The following SCN8A variants were observed in gnomAD, a reference collection of about 807,000 sequenced individuals.
SCN8A encodes sodium voltage-gated channel alpha subunit 8, also known as sodium channel protein type 8 subunit alpha.
Under a neutral mutation model 184.1 loss-of-function variants are expected in SCN8A, and 30 were observed. The ratio of observed to expected loss-of-function variants is 0.16; its 90% CI spans 0.12 to 0.22. SCN8A has a LOEUF of 0.22. Among genes scored for constraint, SCN8A ranks in the 10% least tolerant of loss-of-function variants. The pLI, the probability that SCN8A is intolerant of heterozygous loss-of-function variation, is 1.00. For synonymous variants in SCN8A, 852 were observed against 907.0 expected (o/e 0.94, Z 1.09); for missense variants, 1,057 against 2,498.9 (o/e 0.42, Z 12.30).
chr12:51,613,217 C>A (rs190580221), intron 1 of SCN8A, among the ~76,000 whole-genome samples: 1 of 152,094 alleles, frequency 6.6e-6, no homozygotes, highest in Non-Finnish European at 1.5e-5. Context: ...GTAGAATTCT[C>A]CAGGGAAACC....
intron 2 of SCN8A, among the ~76,000 whole-genome samples, chr12:51,668,546 C>T (rs1020917187): frequency 6.6e-6 from 1 of 152,092 alleles, no homozygotes; most frequent in Non-Finnish European, 1.5e-5. Context: ...GAAAAATAAG[C>T]TCCATTTTCA....
intron 11 of SCN8A, among the ~76,000 whole-genome samples, chr12:51,711,978 A>G (rs1941885341): frequency 6.6e-6 from 1 of 152,184 alleles, no homozygotes; most frequent in Admixed American, 6.5e-5. Flanking sequence ...AGTAATTAAC[A>G]ATGATCTTTA....
intron 1 of SCN8A, among the ~76,000 whole-genome samples, chr12:51,592,595 A>C (rs1435105035): frequency 6.6e-6 from 1 of 151,848 alleles, no homozygotes; most frequent in Non-Finnish European, 1.5e-5. Context: ...TTTGGATTGC[A>C]TCTGGCTAAA....
chr12:51,602,927 T>A (rs554953249), intron 1 of SCN8A, among the ~76,000 whole-genome samples: 124 of 152,316 alleles, frequency 8.1e-4, no homozygotes, highest in Non-Finnish European at 1.6e-3. Flanking sequence ...ATGGCAAATA[T>A]TATTTTCCTT....
intron 1 of SCN8A, among the ~76,000 whole-genome samples, chr12:51,627,837 C>T (rs1940113069): frequency 6.6e-6 from 1 of 152,182 alleles, no homozygotes; most frequent in Admixed American, 6.5e-5. Flanking sequence ...GAGTTAGTCT[C>T]AGCACTTCAA....
intron 20 of SCN8A, 108 bp from the exon 21 acceptor site, chr12:51,780,541 C>A: frequency 1.3e-6 from 1 of 769,656 alleles, no homozygotes; most frequent in Non-Finnish European, 1.7e-6. Flanking sequence ...TTTATTCTAA[C>A]ACTCTGGAAC....
intron 1 of SCN8A, among the ~76,000 whole-genome samples, chr12:51,624,825 A>C (rs1181968174): frequency 6.6e-6 from 1 of 152,110 alleles, no homozygotes; most frequent in Non-Finnish European, 1.5e-5. Flanking sequence ...TCAGCTTTCT[A>C]CATATGGCTA....
intron 1 of SCN8A, among the ~76,000 whole-genome samples, chr12:51,637,055 A>G (rs1940333317): frequency 6.6e-6 from 1 of 151,848 alleles, no homozygotes; most frequent in Non-Finnish European, 1.5e-5. Context: ...CAATATTTCA[A>G]TTTTTTTCAT....
In SCN8A at chr12:51,810,500, C is replaced by T. The variant is rs1938855584; in HGVS notation, c.*3071C>T. 2 of 433,208 alleles carry T rather than the reference C, an allele frequency of 4.6e-6. No homozygotes were observed. The highest frequency in any genetic ancestry group is 2.6e-5 in the Admixed American group (1 of 38,094). 26.8% of individuals were successfully genotyped at this position (433,208 alleles called of 1,614,324 possible). The stretch of plus-strand genomic sequence containing the variant: ...ATTAACGAAGCCAATCAAAGAGCAG[C>T]GCAGCCACAGTATCACTGCACATAT... On this transcript the variant is annotated 3_prime_UTR_variant, in exon 27 of 27. Coordinates refer to ENST00000627620, the MANE Select transcript of SCN8A (RefSeq NM_001330260.2).
chr12:51,593,640 G>T (rs1939280605), intron 1 of SCN8A, among the ~76,000 whole-genome samples: 1 of 152,098 alleles, frequency 6.6e-6, no homozygotes. Context: ...ACAGTTCCCC[G>T]ACCAGTTCTG....
At position 51,812,292 on chromosome 12, in the gene SCN8A, T is replaced by A. The variant is rs182594940; in HGVS notation, c.*4863T>A. ...TGGTTCCAGAAAAGGGACAGAACTG[T>A]GTTCTGTCCCTAGCTTGACCGCTGG... is the stretch of plus-strand genomic sequence containing the variant. On this transcript the variant is annotated 3_prime_UTR_variant, in exon 27 of 27. Coordinates refer to ENST00000627620, the MANE Select transcript of SCN8A (RefSeq NM_001330260.2). The A allele has an allele frequency of 0.018, 2,781 of 154,070 alleles. 42 individuals are homozygous for A. The highest frequency in any genetic ancestry group is 0.027 in the Non-Finnish European group (1,874 of 69,176). 9.5% of individuals were successfully genotyped at this position (154,070 alleles called of 1,614,324 possible).
Position 51,771,313 on chromosome 12 carries a change from C to T in SCN8A, c.3645+630C>T, listed in dbSNP as rs77880782. 4.3e-3 allele frequency among the ~76,000 whole-genome samples: 657 copies of T among 151,970 alleles called. 7 individuals are homozygous for T. The highest frequency in any genetic ancestry group is 0.015 in the African/African-American group (631 of 41,428). ...CTGGTTGAATAGTTTTGAGGACTGC[C>T]GGGACTAGAGACAGTACACACTTTC... On this transcript the variant is annotated intron_variant, in intron 19 of 26. Transcript: ENST00000627620.
chr12:51,795,514 C>G (rs993409988), intron 26 of SCN8A, among the ~76,000 whole-genome samples: 2 of 152,156 alleles, frequency 1.3e-5, no homozygotes, highest in Non-Finnish European at 2.9e-5. Flanking sequence ...CATGCTGGGC[C>G]TAGTGTAGTG....
At position 51,705,416 on chromosome 12, in the gene SCN8A, G is replaced by T; in HGVS notation, c.1135-1G>T. 6.2e-7 allele frequency: 1 copy of T among 1,613,796 alleles called. No individual in the cohort carries two copies. The highest frequency in any genetic ancestry group is 1.1e-5 in the South Asian group (1 of 91,062). ...TCAGAAAATGGCCTTTGTCTTTGCA[G>T]ACTTTACGAGCAGCCGGGAAAACAT... On this transcript the variant is annotated splice_acceptor_variant, in intron 9 of 26. Transcript: ENST00000627620. LOFTEE classifies it high-confidence loss of function.
At chr12:51,653,047 AGG>A (rs1565874762) in intron 1 of SCN8A, among the ~76,000 whole-genome samples, 1 of 152,094 alleles carries the variant, frequency 6.6e-6, no homozygotes, top group Non-Finnish European at 1.5e-5. Context: ...GGGCCAAGCG[AGG>A]TGGCTCACGC....
At chr12:51,747,716 G>C (rs1025863941) in intron 13 of SCN8A, among the ~76,000 whole-genome samples, 1 of 152,054 alleles carries the variant, frequency 6.6e-6, no homozygotes, top group South Asian at 2.1e-4. Flanking sequence ...GGCTCCTTTC[G>C]GAGGCCTTAG....
At chr12:51,608,897 C>T (rs561256348) in intron 1 of SCN8A, among the ~76,000 whole-genome samples, 12 of 152,224 alleles carry the variant, frequency 7.9e-5, no homozygotes, top group African/African-American at 2.9e-4. Flanking sequence ...CTTAGCACCA[C>T]CTTTGCTGTA....
At chr12:51,793,756 T>A (rs79745049) in intron 25 of SCN8A, among the ~76,000 whole-genome samples, 7,837 of 152,182 alleles carry the variant, frequency 0.051, 346 homozygotes, top group South Asian at 0.11. Flanking sequence ...GAGGATCACC[T>A]GAGGCCAGGA....
chr12:51,763,834 G>A (rs554091563), intron 15 of SCN8A, among the ~76,000 whole-genome samples: 2 of 152,206 alleles, frequency 1.3e-5, no homozygotes, highest in Non-Finnish European at 2.9e-5. Flanking sequence ...GGGAAGATAA[G>A]CACTTGGCAA....
Sources: gnomAD v4.1 joint callset for allele counts (sites outside exome capture counted in the v4.1 genomes callset) on GRCh38, gnomAD v4.1.1 for gene constraint, MANE v1.5 for transcripts, NCBI Gene and HGNC (gene_info 2026-07-23, HGNC 2026-07-21) for gene names.